Variants in PDIA5 observed in about 807,000 individuals in gnomAD.
The protein encoded by PDIA5 is protein disulfide-isomerase A5.
PDIA5 carries 58 observed loss-of-function variants against 77.6 expected under a neutral mutation model. The observed-to-expected ratio is 0.75, with a 90% CI of 0.61 to 0.93. PDIA5 has a LOEUF of 0.93. Ranked by LOEUF, PDIA5 falls within the 40% of genes least tolerant of loss-of-function variation. The pLI, the probability that PDIA5 is intolerant of heterozygous loss-of-function variation, is 0.00. For missense variants in PDIA5, 630 were observed against 647.7 expected (o/e 0.97, Z 0.30); for synonymous variants, 250 against 252.1 (o/e 0.99, Z 0.08).
chr3:123,125,605 A>G (rs1019497335), intron 10 of PDIA5, among the ~76,000 whole-genome samples: 2 of 152,184 alleles, frequency 1.3e-5, no homozygotes, highest in Non-Finnish European at 2.9e-5. Context: ...TATCCAAGAT[A>G]TGGAGGTTGA....
At chr3:123,118,869 G>A (rs746387385) in intron 8 of PDIA5, among the ~76,000 whole-genome samples, 4 of 152,174 alleles carry the variant, frequency 2.6e-5, no homozygotes, top group South Asian at 4.1e-4. Context: ...GGAATTCAGA[G>A]CATTTGTTAT....
chr3:123,137,987 C>G (rs1377630810), intron 11 of PDIA5, among the ~76,000 whole-genome samples: 1 of 152,142 alleles, frequency 6.6e-6, no homozygotes, highest in Non-Finnish European at 1.5e-5. Context: ...ACTCTGTCAC[C>G]CAGGCTGGAA....
chr3:123,103,136 C>T (rs998932453), intron 5 of PDIA5, among the ~76,000 whole-genome samples: 1 of 152,220 alleles, frequency 6.6e-6, no homozygotes, highest in African/African-American at 2.4e-5. Flanking sequence ...TGGCCACCCT[C>T]AGGCTGGATG....
chr3:123,135,276 A>T (rs1935471396), intron 11 of PDIA5, among the ~76,000 whole-genome samples: 1 of 151,996 alleles, frequency 6.6e-6, no homozygotes, highest in Admixed American at 6.6e-5. Context: ...TTATATGGGG[A>T]TGTTCAGGGG....
intron 1 of PDIA5, among the ~76,000 whole-genome samples, chr3:123,080,268 C>T (rs1933966298): frequency 6.6e-6 from 1 of 152,150 alleles, no homozygotes; most frequent in Admixed American, 6.5e-5. Flanking sequence ...CTTCTGGGTC[C>T]AGCTGAGTTG....
intron 11 of PDIA5, among the ~76,000 whole-genome samples, chr3:123,136,364 G>A (rs550263564): frequency 4.0e-4 from 61 of 152,248 alleles, no homozygotes; most frequent in African/African-American, 1.4e-3. Flanking sequence ...TCTCCACGCC[G>A]TGCCCCTTCT....
intron 1 of PDIA5, among the ~76,000 whole-genome samples, chr3:123,076,246 C>A (rs192686003): frequency 6.6e-6 from 1 of 152,068 alleles, no homozygotes; most frequent in African/African-American, 2.4e-5. Flanking sequence ...TCTGTCCTGG[C>A]GGGGACCTGG....
At position 123,124,303 on chromosome 3, in the gene PDIA5, T is replaced by C; in HGVS notation, c.733T>C (p.Tyr245His). The part of the protein sequence containing the change: ...KGRFLFQYDN[Y>H]GSTAEDIVEW... ...ACGGTTCTTGTTCCAGTATGACAACTATGGGTCCACAGCTGAGGACATTGT... is the reference window on the plus strand; with the variant it reads ...ACGGTTCTTGTTCCAGTATGACAACCATGGGTCCACAGCTGAGGACATTGT... Residue 245 changes from tyrosine (Y) to histidine (H), a missense_variant, in exon 10 of 17, where the codon TAT becomes CAT. Tyr to His is a moderately conservative substitution (Grantham distance 83). Transcript: ENST00000316218. The C allele has an allele frequency of 6.2e-7, 1 of 1,613,830 alleles. No individual in the cohort carries two copies. The highest frequency in any genetic ancestry group is 1.3e-5 in the African/African-American group (1 of 75,044).
At chr3:123,100,469 C>G (rs532892788) in intron 3 of PDIA5, among the ~76,000 whole-genome samples, 2 of 152,342 alleles carry the variant, frequency 1.3e-5, no homozygotes, top group African/African-American at 4.8e-5. Context: ...TCCTTGCCAC[C>G]TTGGGGTAGG....
At chr3:123,104,809 G>A (rs1438781314) in intron 5 of PDIA5, among the ~76,000 whole-genome samples, 1 of 152,210 alleles carries the variant, frequency 6.6e-6, no homozygotes. Context: ...GCCAGATGTG[G>A]TGTCAGACAG....
At chr3:123,090,076 C>T (rs1934244153) in intron 2 of PDIA5, among the ~76,000 whole-genome samples, 1 of 152,220 alleles carries the variant, frequency 6.6e-6, no homozygotes, top group South Asian at 2.1e-4. Context: ...GCAAAGTTTT[C>T]CCCGGCAGCT....
intron 16 of PDIA5, 90 bp downstream of exon 16, chr3:123,161,545 C>A: frequency 7.2e-7 from 1 of 1,389,898 alleles, no homozygotes; most frequent in Non-Finnish European, 9.8e-7. Context: ...TGGGCAGCAT[C>A]CCAGAAACTG....
chr3:123,154,998 C>A lies in PDIA5; in HGVS notation c.1301C>A (p.Pro434Gln). ...TGCCCACACTGTAAGAAGGTCATTC[C>A]GCACTTTACTGCTACTGCTGATGCC... ...PWCPHCKKVIPHFTATADAFK... is the reference protein window; with the variant it reads ...PWCPHCKKVIQHFTATADAFK... The change falls in exon 15 of 17, where the codon CCG becomes CAG. Residue 434 changes from proline (P) to glutamine (Q), a missense_variant. Physicochemically the swap from Pro to Gln is moderately conservative, Grantham distance 76. Coordinates refer to ENST00000316218, the MANE Select transcript of PDIA5 (RefSeq NM_006810.4). 1 of 1,612,624 alleles carries A rather than the reference C, an allele frequency of 6.2e-7. No individual in the cohort carries two copies. The highest frequency in any genetic ancestry group is 8.5e-7 in the Non-Finnish European group (1 of 1,178,640).
chr3:123,102,524 A>G lies in PDIA5; in HGVS notation c.341+30A>G. ...GTACACATGGGCATTTCCAATTTCC[A>G]AGTAAGTGCCAAATGCTTTCATTGG... On this transcript the variant is annotated intron_variant, in intron 4 of 16. Coordinates refer to ENST00000316218, the MANE Select transcript of PDIA5 (RefSeq NM_006810.4). The G allele has an allele frequency of 2.0e-6, 3 of 1,525,672 alleles. No individual in the cohort carries two copies. The Admixed American group carries it at 5.0e-5, about 26-fold the overall frequency. The allele number at this position is 1,525,672 out of a possible 1,614,324, so 94.5% of individuals were successfully genotyped here. A position where few individuals can be genotyped will look rare whatever the true frequency, so the allele number is the denominator to read the frequency against.
At chr3:123,130,294 T>G (rs1935341216) in intron 10 of PDIA5, among the ~76,000 whole-genome samples, 186 bp from the exon 11 acceptor site, 1 of 152,072 alleles carries the variant, frequency 6.6e-6, no homozygotes, top group African/African-American at 2.4e-5. Context: ...AAGGTGGAGG[T>G]GGGCAGGGCC....
chr3:123,141,297 T>G (rs1284314512), intron 11 of PDIA5, among the ~76,000 whole-genome samples: 3 of 152,000 alleles, frequency 2.0e-5, no homozygotes, highest in Non-Finnish European at 4.4e-5. Flanking sequence ...GGGAGAGTGG[T>G]CAAGGGAGCC....
intron 7 of PDIA5, among the ~76,000 whole-genome samples, chr3:123,112,627 C>A (rs576383743): frequency 6.8e-6 from 1 of 146,118 alleles, no homozygotes; most frequent in Non-Finnish European, 1.5e-5. Context: ...CAGCTCACTG[C>A]GACCTCCGCC....
intron 8 of PDIA5, among the ~76,000 whole-genome samples, chr3:123,117,656 CCTT>C (rs1308873584): frequency 4.6e-5 from 7 of 151,858 alleles, no homozygotes; most frequent in African/African-American, 1.7e-4. Context: ...CATAGGATTT[CCTT>C]CTTTTTTTAG....
At chr3:123,125,401 G>C (rs932560173) in intron 10 of PDIA5, among the ~76,000 whole-genome samples, 1 of 152,160 alleles carries the variant, frequency 6.6e-6, no homozygotes, top group Non-Finnish European at 1.5e-5. Context: ...CAGTAAAGGG[G>C]TGGTGCCGGT....
Sources: allele counts gnomAD v4.1 joint callset (sites outside exome capture counted in the v4.1 genomes callset), GRCh38; gene constraint gnomAD v4.1.1; transcripts MANE v1.5; gene names NCBI Gene and HGNC (gene_info 2026-07-23, HGNC 2026-07-21).